Variants in PTPRZ1 observed in about 807,000 individuals in gnomAD.
PTPRZ1 encodes protein tyrosine phosphatase receptor type Z1.
In PTPRZ1, 82 loss-of-function variants were observed where a neutral mutation model predicts 214.1. The ratio of observed to expected loss-of-function variants is 0.38; its 90% confidence interval spans 0.32 to 0.46. The LOEUF is 0.46. Ranked by LOEUF, PTPRZ1 falls within the 20% of genes least tolerant of loss-of-function variation. The pLI, the probability that PTPRZ1 is intolerant of heterozygous loss-of-function variation, is 1.00. For synonymous variants in PTPRZ1, 945 were observed against 987.9 expected, an observed-to-expected ratio of 0.96 and a Z score of 0.81; for missense variants, 2,603 against 2,748.7, an observed-to-expected ratio of 0.95 and a Z score of 1.19.
Position 122,013,827 on chromosome 7 carries a change from C to T in PTPRZ1, c.4781C>T (p.Pro1594Leu). ...GACTCAGAAATAACTCCTGGATTCCCACAGTCCCCAACATCATCTGTTACT... is the reference window on the plus strand; with the variant it reads ...GACTCAGAAATAACTCCTGGATTCCTACAGTCCCCAACATCATCTGTTACT... ...AGDSEITPGF[P>L]QSPTSSVTSE... Residue 1594 changes from proline (P) to leucine (L), a missense_variant, in exon 12 of 30, where the codon CCA (proline) becomes CTA (leucine). Physicochemically the swap from Pro to Leu is moderately conservative, Grantham distance 98. Coordinates refer to ENST00000393386, the MANE Select transcript of PTPRZ1 (RefSeq NM_002851.3). The T allele has an allele frequency of 6.2e-7, 1 of 1,614,012 alleles. No individual in the cohort carries two copies.
At chr7:121,939,363 G>A (rs1013169544) in intron 2 of PTPRZ1, among the ~76,000 whole-genome samples, 1 of 152,008 alleles carries the variant, frequency 6.6e-6, no homozygotes, top group Non-Finnish European at 1.5e-5. Flanking sequence ...CCAAAACTTG[G>A]CATATGCCAA....
chr7:121,890,021 A>G (rs1420660125), intron 1 of PTPRZ1, among the ~76,000 whole-genome samples: 1 of 152,058 alleles, frequency 6.6e-6, no homozygotes, highest in South Asian at 2.1e-4. Context: ...ACTTCTAAAC[A>G]TTGTAGTCCT....
At position 121,918,331 on chromosome 7, in the gene PTPRZ1, A is replaced by G. The variant is rs1199107157; in HGVS notation, c.59-9825A>G. Among the ~76,000 whole-genome samples, 5 of 152,216 alleles carry G rather than the reference A, an allele frequency of 3.3e-5. No individual in the cohort carries two copies. In the South Asian group the frequency reaches 1.0e-3, roughly 31 times the overall value. On this transcript the variant is annotated intron_variant, in intron 1 of 29. Coordinates refer to ENST00000393386, the MANE Select transcript of PTPRZ1 (RefSeq NM_002851.3). ...TAAAAATTAAAATAAGACTATTTCA[A>G]GGTTTACCCACAAAATGCAGACCCA... is the stretch of plus-strand genomic sequence containing the variant.
At chr7:122,051,842 T>C in intron 24 of PTPRZ1, 24 bp from the exon 25 acceptor site, 1 of 1,605,952 alleles carries the variant, frequency 6.2e-7, no homozygotes, top group Non-Finnish European at 8.5e-7. Flanking sequence ...TGTTTTGTTT[T>C]ACAATGAATG....
In PTPRZ1 at chr7:122,010,497, C is replaced by T. The variant is rs762475822; in HGVS notation, c.1451C>T (p.Thr484Ile). 1.9e-6 allele frequency: 3 copies of T among 1,613,922 alleles called. No homozygotes were observed. In the African/African-American group the frequency reaches 4.0e-5, roughly 22 times the overall value. Residue 484 changes from threonine to isoleucine, a missense_variant, in exon 12 of 30, where the codon ACA becomes ATA. By Grantham distance (89) the Thr-to-Ile change is moderately conservative (BLOSUM62 -1). Transcript: ENST00000393386. ...YNEAKTNRSP[T>I]RGSEFSGKGD... ...GAAGCCAAGACTAACCGATCCCCAACAAGAGGAAGTGAATTCTCTGGAAAG... is the reference window on the plus strand; with the variant it reads ...GAAGCCAAGACTAACCGATCCCCAATAAGAGGAAGTGAATTCTCTGGAAAG...
At chr7:121,981,252 CT>C (rs1797603677) in intron 6 of PTPRZ1, among the ~76,000 whole-genome samples, 1 of 152,186 alleles carries the variant, frequency 6.6e-6, no homozygotes, top group Non-Finnish European at 1.5e-5. Flanking sequence ...CCTGGGGATG[CT>C]TTTTAAAAAT....
At position 122,061,309 on chromosome 7, in the gene PTPRZ1, T is replaced by C; in HGVS notation, c.*89T>C. ...AAAATCAGTCTAGTTCTGTTATCTGTTGATTTCCCATCACCTGACAGTAAC... is the reference window on the plus strand; with the variant it reads ...AAAATCAGTCTAGTTCTGTTATCTGCTGATTTCCCATCACCTGACAGTAAC... On this transcript the variant is annotated 3_prime_UTR_variant, in exon 30 of 30. Coordinates refer to ENST00000393386, the MANE Select transcript of PTPRZ1 (RefSeq NM_002851.3). 8.0e-7 allele frequency: 1 copy of C among 1,255,736 alleles called. No individual in the cohort carries two copies. Among genetic ancestry groups the C allele is most frequent in the Non-Finnish European group, 1.1e-6 (1 of 951,358 alleles). 77.8% of individuals were successfully genotyped at this position (1,255,736 alleles called of 1,614,324 possible). A position where few individuals can be genotyped will look rare whatever the true frequency, so the allele number is the denominator to read the frequency against.
In PTPRZ1 at chr7:121,998,070, G is replaced by T; in HGVS notation, c.1240+64G>T. The T allele has an allele frequency of 7.4e-6, 11 of 1,487,946 alleles. No homozygotes were observed. The South Asian group carries it at 8.6e-5, about 12-fold the overall frequency. The allele number at this position is 1,487,946 out of a possible 1,614,324, so 92.2% of individuals were successfully genotyped here. ...AATGAGGTTAGTTTAATTACTGTAT[G>T]CATTGATGCTTTCTCTCTATATTCT... On this transcript the variant is annotated intron_variant, in intron 10 of 29. Transcript: ENST00000393386.
intron 1 of PTPRZ1, among the ~76,000 whole-genome samples, chr7:121,915,024 G>A (rs1194209727): frequency 6.6e-6 from 1 of 152,160 alleles, no homozygotes; most frequent in African/African-American, 2.4e-5. Flanking sequence ...TTTTGGATGT[G>A]TCAGGGAGAT....
chr7:121,992,464 C>T (rs193206327), intron 8 of PTPRZ1, among the ~76,000 whole-genome samples: 1 of 152,190 alleles, frequency 6.6e-6, no homozygotes, highest in African/African-American at 2.4e-5. Flanking sequence ...TAGGTGTTCA[C>T]TCTTCATTTA....
rs535129913 is a variant in PTPRZ1 at position 122,034,515 on chromosome 7, G to A, written c.5284+137G>A. On this transcript the variant is annotated intron_variant, in intron 17 of 29. Transcript: ENST00000393386. ...TTTTTATCAGGGAATAATAAGACTT[G>A]TGTTAGATAATATGTAGCATTATAT... 1.3e-5 allele frequency: 9 copies of A among 668,302 alleles called. No homozygotes were observed. In the Admixed American group the frequency reaches 1.6e-4, roughly 12 times the overall value. 41.4% of individuals were successfully genotyped at this position (668,302 alleles called of 1,614,324 possible).
At chr7:121,984,223 T>A in intron 8 of PTPRZ1, 106 bp downstream of exon 8, 1 of 985,158 alleles carries the variant, frequency 1.0e-6, no homozygotes, top group South Asian at 3.1e-5. Context: ...TAGAAATGTT[T>A]TAATTATTAA....
intron 1 of PTPRZ1, among the ~76,000 whole-genome samples, chr7:121,919,568 A>C (rs953998438): frequency 2.5e-4 from 38 of 152,198 alleles, no homozygotes; most frequent in African/African-American, 8.9e-4. Context: ...TCTTATGATT[A>C]ATTTAATGTT....
At chr7:121,921,743 A>T (rs897624955) in intron 1 of PTPRZ1, among the ~76,000 whole-genome samples, 1 of 152,130 alleles carries the variant, frequency 6.6e-6, no homozygotes, top group Non-Finnish European at 1.5e-5. Context: ...GCTTCCTAAC[A>T]CTGGAAGGTA....
In PTPRZ1 at chr7:121,880,197, A is replaced by G. The variant is rs375405755; in HGVS notation, c.58+6640A>G. On this transcript the variant is annotated intron_variant, in intron 1 of 29. Transcript: ENST00000393386. ...CACAGATATTAAAGTAAACTCAGTTATTTTGGGTACTGGTTAATGTGAAGT... is the reference window on the plus strand; with the variant it reads ...CACAGATATTAAAGTAAACTCAGTTGTTTTGGGTACTGGTTAATGTGAAGT... Among the ~76,000 whole-genome samples the G allele has an allele frequency of 9.9e-5, 15 of 152,270 alleles. No homozygotes were observed. The East Asian group carries it at 2.7e-3, about 27-fold the overall frequency.
Position 122,010,351 on chromosome 7 carries a change from A to G in PTPRZ1, c.1305A>G (p.Lys435=). The G allele has an allele frequency of 6.2e-7, 1 of 1,605,310 alleles. No homozygotes were observed. Among genetic ancestry groups the G allele is most frequent in the Non-Finnish European group, 8.5e-7 (1 of 1,177,316 alleles). Residue 435 remains lysine (K), a synonymous_variant, in exon 12 of 30, where the codon AAA becomes AAG. Transcript: ENST00000393386. ...TTTCAAAGGAGGAGGAAGAGGGAAA[A>G]GACATTGAAGAAGGCGCTATTGTGA... ...EEIIKEEEEG[K]DIEEGAIVNP...
At chr7:121,932,377 C>G (rs1795950946) in intron 2 of PTPRZ1, among the ~76,000 whole-genome samples, 1 of 152,128 alleles carries the variant, frequency 6.6e-6, no homozygotes, top group Non-Finnish European at 1.5e-5. Context: ...ACTATGCTAA[C>G]TGCTTGAAAT....
At chr7:122,023,583 T>G (rs1023066973) in intron 13 of PTPRZ1, among the ~76,000 whole-genome samples, 1 of 133,140 alleles carries the variant, frequency 7.5e-6, no homozygotes, top group African/African-American at 2.8e-5. Flanking sequence ...TATATATAAT[T>G]ATATATATTA....
intron 1 of PTPRZ1, among the ~76,000 whole-genome samples, chr7:121,920,145 T>C (rs1451505691): frequency 6.6e-6 from 1 of 152,194 alleles, no homozygotes; most frequent in Admixed American, 6.5e-5. Flanking sequence ...TGGAATCCCA[T>C]TGTATCCTCT....
Sources: gnomAD v4.1 joint callset for allele counts (sites outside exome capture counted in the v4.1 genomes callset) on GRCh38, gnomAD v4.1.1 for gene constraint, MANE v1.5 for transcripts, NCBI Gene and HGNC (gene_info 2026-07-23, HGNC 2026-07-21) for gene names.